GPM6A: variants seen among roughly 807,000 people sequenced by gnomAD.
GPM6A encodes the protein glycoprotein M6A.
Under a neutral mutation model 32.1 loss-of-function variants are expected in GPM6A, and 7 were observed. The ratio of observed to expected loss-of-function variants is 0.22; its 90% CI spans 0.12 to 0.41. GPM6A has a LOEUF of 0.41. Ranked by LOEUF, GPM6A falls within the 10% of genes least tolerant of loss-of-function variation. The pLI is 1.00. For missense variants in GPM6A, 235 were observed against 347.2 expected (o/e 0.68, Z 2.57); for synonymous variants, 130 against 123.4 (o/e 1.05, Z -0.35).
chr4:175,741,055 T>G (rs1446696772), intron 1 of GPM6A, among the ~76,000 whole-genome samples: 1 of 152,086 alleles, frequency 6.6e-6, no homozygotes, highest in East Asian at 1.9e-4. Flanking sequence ...TAGTATAGAT[T>G]GTCTCCTAAG....
intron 1 of GPM6A, among the ~76,000 whole-genome samples, chr4:175,929,259 G>C (rs1221258043): frequency 6.6e-6 from 1 of 152,064 alleles, no homozygotes; most frequent in African/African-American, 2.4e-5. Flanking sequence ...TAAGCAAAAA[G>C]GAACATCCTT....
rs750402106 is a variant in GPM6A at position 175,812,143 on chromosome 4, A to T, written c.37+48T>A. 53 of 1,389,758 alleles carry T rather than the reference A, an allele frequency of 3.8e-5. 1 individual carries two copies. The South Asian group carries it at 6.5e-4, about 17-fold the overall frequency. The allele number at this position is 1,389,758 out of a possible 1,614,324, so 86.1% of individuals were successfully genotyped here. The stretch of plus-strand genomic sequence containing the variant: ...GCAAGTGTCTAAAGCAAACAAGGAA[A>T]CTGCAAAATAATTACTTAGTTACAA... On this transcript the variant is annotated intron_variant, in intron 1 of 6. Transcript: ENST00000393658.
At chr4:175,836,382 G>T (rs570537191) in intron 1 of GPM6A, among the ~76,000 whole-genome samples, 1 of 152,086 alleles carries the variant, frequency 6.6e-6, no homozygotes. Context: ...GGAGAGCAAA[G>T]AGTAAACTAA....
chr4:175,733,389 G>A (rs1731516233), intron 1 of GPM6A, among the ~76,000 whole-genome samples: 1 of 152,184 alleles, frequency 6.6e-6, no homozygotes, highest in African/African-American at 2.4e-5. Flanking sequence ...TATAGTCCAA[G>A]CTACTCGGGA....
At chr4:175,922,370 A>G (rs1210460529) in intron 1 of GPM6A, among the ~76,000 whole-genome samples, 1 of 152,192 alleles carries the variant, frequency 6.6e-6, no homozygotes, top group Non-Finnish European at 1.5e-5. Context: ...CCACATCTTT[A>G]TGCTAAAAGT....
chr4:175,968,398 T>G (rs963704425), intron 1 of GPM6A, among the ~76,000 whole-genome samples: 2 of 152,138 alleles, frequency 1.3e-5, no homozygotes, highest in Non-Finnish European at 2.9e-5. Flanking sequence ...ACCAAACATA[T>G]GACTCATGAA....
intron 1 of GPM6A, among the ~76,000 whole-genome samples, chr4:175,764,202 C>T (rs1742396661): frequency 6.6e-6 from 1 of 152,170 alleles, no homozygotes; most frequent in South Asian, 2.1e-4. Context: ...CTACCAGTGA[C>T]TCATCTGCTT....
At chr4:175,703,316 C>CGT (rs1560885310) in intron 1 of GPM6A, among the ~76,000 whole-genome samples, 2 of 152,122 alleles carry the variant, frequency 1.3e-5, no homozygotes, top group East Asian at 1.9e-4. Context: ...GGACTACTGG[C>CGT]GCACGTCACC....
chr4:175,662,410 G>A (rs905011567), intron 3 of GPM6A, among the ~76,000 whole-genome samples: 8 of 152,040 alleles, frequency 5.3e-5, no homozygotes, highest in African/African-American at 1.9e-4. Context: ...GACCAGCCTG[G>A]CCAACATGGT....
chr4:175,978,226 G>A (rs930683145), intron 1 of GPM6A, among the ~76,000 whole-genome samples: 2 of 152,152 alleles, frequency 1.3e-5, no homozygotes, highest in Non-Finnish European at 2.9e-5. Flanking sequence ...GAAGGTGAAA[G>A]GGAAGCAGGC....
At chr4:175,899,926 A>G (rs1737904124) in intron 1 of GPM6A, among the ~76,000 whole-genome samples, 1 of 152,194 alleles carries the variant, frequency 6.6e-6, no homozygotes, top group Non-Finnish European at 1.5e-5. Context: ...AACAAAGTGA[A>G]GAGAAAACCC....
At chr4:175,804,960 G>T (rs996588504) in intron 1 of GPM6A, among the ~76,000 whole-genome samples, 1 of 152,090 alleles carries the variant, frequency 6.6e-6, no homozygotes, top group African/African-American at 2.4e-5. Flanking sequence ...CAGGAGAATG[G>T]CGTGAACCTG....
chr4:175,999,832 C>T (rs1224562477), intron 1 of GPM6A, among the ~76,000 whole-genome samples: 2 of 152,170 alleles, frequency 1.3e-5, no homozygotes, highest in Non-Finnish European at 2.9e-5. Flanking sequence ...CTTATCCTAG[C>T]CATTTGGACT....
At chr4:175,863,051 G>A (rs1012448271) in intron 1 of GPM6A, among the ~76,000 whole-genome samples, 14 of 151,870 alleles carry the variant, frequency 9.2e-5, no homozygotes, top group Admixed American at 8.5e-4. Flanking sequence ...TCTGGTGATT[G>A]TATTGAGTAG....
chr4:175,774,825 T>C (rs1177597878), intron 1 of GPM6A, among the ~76,000 whole-genome samples: 3 of 152,102 alleles, frequency 2.0e-5, no homozygotes, highest in Admixed American at 6.5e-5. Flanking sequence ...TAAAAACTTA[T>C]GCAAAACAGT....
chr4:175,790,252 A>G (rs13434636), intron 1 of GPM6A: 1 of 152,154 alleles, frequency 6.6e-6, no homozygotes, highest in African/African-American at 2.4e-5. Context: ...AGCATGTTTA[A>G]TCGACCACTA....
At chr4:175,733,642 T>G (rs1731528561) in intron 1 of GPM6A, among the ~76,000 whole-genome samples, 1 of 152,002 alleles carries the variant, frequency 6.6e-6, no homozygotes, top group Non-Finnish European at 1.5e-5. Context: ...AAAAAAAAAG[T>G]GTTTTTTTCC....
intron 1 of GPM6A, among the ~76,000 whole-genome samples, chr4:175,853,259 A>T (rs1736315555): frequency 6.6e-6 from 1 of 152,084 alleles, no homozygotes; most frequent in Non-Finnish European, 1.5e-5. Flanking sequence ...TTTCAATTCA[A>T]CTCAAAAATA....
intron 1 of GPM6A, among the ~76,000 whole-genome samples, chr4:175,931,707 C>CATATAT (rs1264423978): frequency 1.3e-4 from 19 of 143,830 alleles, no homozygotes; most frequent in African/African-American, 4.7e-4. Flanking sequence ...CACACACACA[C>CATATAT]ACATATATAT....
Sources: allele counts gnomAD v4.1 joint callset (sites outside exome capture counted in the v4.1 genomes callset), GRCh38; gene constraint gnomAD v4.1.1; transcripts MANE v1.5; gene names NCBI Gene and HGNC (gene_info 2026-07-23, HGNC 2026-07-21).